Variants in CRYBG1 observed in about 807,000 individuals in gnomAD.
CRYBG1 encodes the protein beta/gamma crystallin domain-containing protein 1.
In CRYBG1, 139 loss-of-function variants were observed where a neutral mutation model predicts 189.2. The ratio of observed to expected loss-of-function variants is 0.73; its 90% CI spans 0.64 to 0.85. The LOEUF is 0.85. Ranked by LOEUF, CRYBG1 falls within the 40% of genes least tolerant of loss-of-function variation. The pLI is 0.00. For missense variants in CRYBG1, 2,611 were observed against 2,675.8 expected, an observed-to-expected ratio of 0.98 and a Z score of 0.53; for synonymous variants, 1,023 against 1,017.1, an observed-to-expected ratio of 1.01 and a Z score of -0.11.
At chr6:106,400,080 G>GAGCT (rs146289134) in intron 1 of CRYBG1, among the ~76,000 whole-genome samples, 12,089 of 148,238 alleles carry the variant, frequency 0.082, 625 homozygotes, top group East Asian at 0.15. Flanking sequence ...AGTTTGCAGT[G>GAGCT]AGCTGAGTTC....
At position 106,377,621 on chromosome 6, in the gene CRYBG1, TTATATATATA is replaced by T. The variant is rs373644273; in HGVS notation, c.173+16558_173+16567del. Among the ~76,000 whole-genome samples the T allele has an allele frequency of 2.3e-3, 158 of 69,492 alleles. 5 individuals carry two copies. Among genetic ancestry groups the T allele is most frequent in the Middle Eastern group, 9.3e-3 (1 of 108 alleles). The allele number at this position is 69,492 out of a possible 152,430, so 45.6% of individuals were successfully genotyped here. On this transcript the variant is annotated intron_variant, in intron 1 of 21. Transcript: ENST00000633556. ...TGTGTAACTCATAAGTCCTAAGGTT[TTATATATATA>T]TATATATATATATATATTTTCATTT...
intron 2 of CRYBG1, among the ~76,000 whole-genome samples, chr6:106,466,318 G>A (rs1772114159): frequency 6.6e-6 from 1 of 152,218 alleles, no homozygotes; most frequent in Non-Finnish European, 1.5e-5. Context: ...ATATAAATAA[G>A]GAGAGGGATT....
rs1241615179 is a variant in CRYBG1, at chr6:106,561,323, TG to T, written c.5980-14del. The T allele has an allele frequency of 3.1e-6, 5 of 1,612,120 alleles. No individual in the cohort carries two copies. Among genetic ancestry groups the T allele is most frequent in the Non-Finnish European group, 4.2e-6 (5 of 1,179,000 alleles). ...GCAGCACATCTGGTATAACAACTGCTGGGGGTTTTGTCTTCTAGAAGCGAAT... is the reference window on the plus strand; with the variant it reads ...GCAGCACATCTGGTATAACAACTGCTGGGGTTTTGTCTTCTAGAAGCGAAT... On this transcript the variant is annotated intron_variant, in intron 19 of 21. Coordinates refer to ENST00000633556, the MANE Select transcript of CRYBG1 (RefSeq NM_001371242.2).
chr6:106,510,565 C>A (rs1006696558), intron 2 of CRYBG1, among the ~76,000 whole-genome samples: 2 of 151,676 alleles, frequency 1.3e-5, no homozygotes, highest in African/African-American at 4.9e-5. Flanking sequence ...GGGCTCCAGC[C>A]GTGCGACCCC....
rs1257301344 is a variant in CRYBG1 at position 106,517,389 on chromosome 6, C to T, written c.1923-1742C>T. On this transcript the variant is annotated intron_variant, in intron 3 of 21. Transcript: ENST00000633556. Reference sequence around the variant, plus strand: ...ATATATACACACACACATATACACACATATATATATATACACACACACATA... The same window carrying T: ...ATATATACACACACACATATACACATATATATATATATACACACACACATA... Among the ~76,000 whole-genome samples, 3 of 132,864 alleles carry T rather than the reference C, an allele frequency of 2.3e-5. 1 individual carries two copies. The highest frequency in any genetic ancestry group is 5.7e-5 in the African/African-American group (2 of 34,934). 87.2% of individuals were successfully genotyped at this position (132,864 alleles called of 152,430 possible).
Position 106,555,886 on chromosome 6 carries a change from T to A in CRYBG1, c.5704T>A (p.Phe1902Ile), listed in dbSNP as rs371485527. The change falls in exon 17 of 22, where the codon TTT (phenylalanine) becomes ATT (isoleucine). Residue 1902 changes from phenylalanine to isoleucine, a missense_variant. By Grantham distance (21) the Phe-to-Ile change is conservative. Around this residue, in one of 3 missense-constraint regions of CRYBG1, gnomAD observed 1,622 missense variants for 1,735.0 expected, o/e 0.93. Coordinates refer to ENST00000633556, the MANE Select transcript of CRYBG1 (RefSeq NM_001371242.2). ...PPGATFKSLR[F>I]IDVEFSEPTI... ...TGGAGCAACTTTCAAGTCTCTTCGT[T>A]TTATAGATGTTGTAAGTATGTCATT... 3.5e-5 allele frequency: 57 copies of A among 1,614,022 alleles called. No individual in the cohort carries two copies. The highest frequency in any genetic ancestry group is 3.3e-5 in the Admixed American group (2 of 59,998).
chr6:106,523,251 A>G (rs1773651498), intron 4 of CRYBG1, among the ~76,000 whole-genome samples: 1 of 152,200 alleles, frequency 6.6e-6, no homozygotes, highest in South Asian at 2.1e-4. Flanking sequence ...TGCTATAAAC[A>G]AATAAGACTG....
chr6:106,394,832 A>G (rs1447861137), intron 1 of CRYBG1, among the ~76,000 whole-genome samples: 2 of 151,444 alleles, frequency 1.3e-5, no homozygotes, highest in Non-Finnish European at 2.9e-5. Flanking sequence ...AGGTTTTAAC[A>G]ATAGTGTGTT....
intron 10 of CRYBG1, 115 bp downstream of exon 10, chr6:106,541,736 G>T: frequency 1.3e-6 from 1 of 779,300 alleles, no homozygotes; most frequent in South Asian, 1.7e-5. Flanking sequence ...TTGCTTATGT[G>T]ACTTCTCATA....
intron 3 of CRYBG1, among the ~76,000 whole-genome samples, chr6:106,516,516 G>T (rs556589811): frequency 2.0e-5 from 3 of 152,296 alleles, no homozygotes; most frequent in African/African-American, 7.2e-5. Context: ...TTACAAGCAT[G>T]AGCCACCACA....
chr6:106,512,107 C>T lies in CRYBG1; in HGVS notation c.990C>T (p.Asn330=), dbSNP rs1445446522. ...CAEEGSLGPR[N]ARSQPPKGAS... Reference sequence around the variant, plus strand: ...AAGAAGGCTCCCTGGGGCCCCGCAACGCCCGCAGCCAGCCCCCCAAGGGCG... The same window carrying T: ...AAGAAGGCTCCCTGGGGCCCCGCAATGCCCGCAGCCAGCCCCCCAAGGGCG... Residue 330 remains asparagine, a synonymous_variant, in exon 3 of 22, where the codon AAC becomes AAT. Transcript: ENST00000633556. 5.9e-6 allele frequency: 9 copies of T among 1,534,318 alleles called. No individual in the cohort carries two copies. The highest frequency in any genetic ancestry group is 7.9e-6 in the Non-Finnish European group (9 of 1,146,174).
At position 106,527,489 on chromosome 6, in the gene CRYBG1, G is replaced by A; in HGVS notation, c.4578+19G>A. Reference sequence around the variant, plus strand: ...GGTTCAGGTAGGTTGTGGTAAATATGGATTTTATTTATTCAGCTAATATTT... The same window carrying A: ...GGTTCAGGTAGGTTGTGGTAAATATAGATTTTATTTATTCAGCTAATATTT... On this transcript the variant is annotated intron_variant, in intron 7 of 21. Transcript: ENST00000633556. 2 of 1,590,750 alleles carry A rather than the reference G, an allele frequency of 1.3e-6. No individual in the cohort carries two copies. The highest frequency in any genetic ancestry group is 1.1e-5 in the South Asian group (1 of 86,974).
intron 20 of CRYBG1, 42 bp from the exon 21 acceptor site, chr6:106,563,722 C>G: frequency 6.4e-7 from 1 of 1,569,294 alleles, no homozygotes; most frequent in Non-Finnish European, 8.7e-7. Flanking sequence ...AGACTTACAG[C>G]TGGATACATA....
intron 2 of CRYBG1, among the ~76,000 whole-genome samples, chr6:106,464,743 C>T (rs1231267094): frequency 6.6e-6 from 1 of 152,162 alleles, no homozygotes; most frequent in Non-Finnish European, 1.5e-5. Context: ...TCGCTCATAA[C>T]CTTTGCCTTA....
chr6:106,527,121 C>G (rs1283606624), intron 6 of CRYBG1, among the ~76,000 whole-genome samples, 184 bp from the exon 7 acceptor site: 1 of 151,984 alleles, frequency 6.6e-6, no homozygotes, highest in Non-Finnish European at 1.5e-5. Flanking sequence ...CATGAGTTAT[C>G]AGAGGCTTAA....
chr6:106,409,481 C>G (rs998306168), intron 1 of CRYBG1, among the ~76,000 whole-genome samples: 1 of 150,510 alleles, frequency 6.6e-6, no homozygotes, highest in Non-Finnish European at 1.5e-5. Flanking sequence ...CTATTCCCAT[C>G]AAGTTACCAT....
At chr6:106,376,426 ACATGAACCTAG>A (rs1400131051) in intron 1 of CRYBG1, among the ~76,000 whole-genome samples, 1 of 152,160 alleles carries the variant, frequency 6.6e-6, no homozygotes, top group Non-Finnish European at 1.5e-5. Context: ...TTTAATGACT[ACATGAACCTAG>A]CTCTTTGTCC....
At chr6:106,492,127 AGCATTAC>A (rs1772738087) in intron 2 of CRYBG1, among the ~76,000 whole-genome samples, 1 of 152,144 alleles carries the variant, frequency 6.6e-6, no homozygotes, top group South Asian at 2.1e-4. Flanking sequence ...GAACTCTTAA[AGCATTAC>A]GCATATCTCA....
At chr6:106,383,849 G>T (rs1238797471) in intron 1 of CRYBG1, among the ~76,000 whole-genome samples, 2 of 152,214 alleles carry the variant, frequency 1.3e-5, no homozygotes, top group Non-Finnish European at 2.9e-5. Flanking sequence ...CCACATCGTT[G>T]ATGACTATCT....
Sources: gnomAD v4.1 joint callset for allele counts (sites outside exome capture counted in the v4.1 genomes callset) on GRCh38, gnomAD v4.1.1 for gene constraint, gnomAD v4.1.1 regional missense constraint, MANE v1.5 for transcripts, NCBI Gene and HGNC (gene_info 2026-07-23, HGNC 2026-07-21) for gene names.